The following PARD3B variants were observed in gnomAD, a reference collection of about 807,000 sequenced individuals.
PARD3B encodes the protein partitioning defective 3 homolog B.
Under a neutral mutation model 130.2 loss-of-function variants are expected in PARD3B, and 103 were observed. The observed-to-expected ratio is 0.79, with a 90% CI of 0.67 to 0.93. The LOEUF (loss-of-function observed/expected upper bound fraction) is 0.93. Among genes scored for constraint, PARD3B ranks in the 40% least tolerant of loss-of-function variants. The pLI, the probability that PARD3B is intolerant of heterozygous loss-of-function variation, is 0.00. For missense variants in PARD3B, 1,609 were observed against 1,499.2 expected, an observed-to-expected ratio of 1.07 and a Z score of -1.21; for synonymous variants, 583 against 553.2, an observed-to-expected ratio of 1.05 and a Z score of -0.76.
At chr2:205,278,437 A>G (rs2041040069) in intron 16 of PARD3B, among the ~76,000 whole-genome samples, 1 of 152,148 alleles carries the variant, frequency 6.6e-6, no homozygotes, top group African/African-American at 2.4e-5. Flanking sequence ...TAAGGCTAAG[A>G]AGACAGGTTA....
intron 2 of PARD3B, among the ~76,000 whole-genome samples, chr2:204,761,576 T>G (rs1216189356): frequency 6.8e-6 from 1 of 146,734 alleles, no homozygotes; most frequent in Non-Finnish European, 1.5e-5. Flanking sequence ...TAAGGGGAGC[T>G]TGCATTTCTA....
chr2:205,093,041 A>G (rs1230336434), intron 4 of PARD3B, among the ~76,000 whole-genome samples: 1 of 152,170 alleles, frequency 6.6e-6, no homozygotes, highest in East Asian at 1.9e-4. Context: ...TGCACTTTAA[A>G]TTCTCTTGCC....
In PARD3B at chr2:205,068,438, G is replaced by C. The variant is rs367598349; in HGVS notation, c.504+20748G>C. 1.7e-3 allele frequency among the ~76,000 whole-genome samples: 261 copies of C among 152,018 alleles called. 1 individual carries two copies. Among genetic ancestry groups the C allele is most frequent in the African/African-American group, 5.8e-3 (241 of 41,492 alleles). On this transcript the variant is annotated intron_variant, in intron 4 of 22. Coordinates refer to ENST00000406610, the MANE Select transcript of PARD3B (RefSeq NM_001302769.2). ...TAGTAGACATTTGTCTATACTATTA[G>C]TTTAAAAAATTGTTTTTAAGGAAAC... is the stretch of plus-strand genomic sequence containing the variant.
intron 20 of PARD3B, among the ~76,000 whole-genome samples, chr2:205,449,926 T>C (rs892554084): frequency 5.9e-5 from 9 of 152,180 alleles, no homozygotes; most frequent in African/African-American, 2.2e-4. Flanking sequence ...AATAGAGGTG[T>C]ATGTGGGATA....
chr2:205,547,492 T>G (rs2106477862), intron 21 of PARD3B, among the ~76,000 whole-genome samples: 1 of 152,238 alleles, frequency 6.6e-6, no homozygotes, highest in South Asian at 2.1e-4. Context: ...AAGAAAAAAC[T>G]TCTTGGATAA....
chr2:205,133,426 C>T (rs966931860), intron 10 of PARD3B, among the ~76,000 whole-genome samples: 1 of 152,198 alleles, frequency 6.6e-6, no homozygotes, highest in Non-Finnish European at 1.5e-5. Context: ...GCCAGGCTCC[C>T]TCCACACCTA....
chr2:205,428,727 AT>A (rs1339728802), intron 19 of PARD3B, among the ~76,000 whole-genome samples: 7 of 152,222 alleles, frequency 4.6e-5, no homozygotes, highest in African/African-American at 1.4e-4. Context: ...CAATATTAAA[AT>A]TTTAAAAGTA....
chr2:205,125,891 C>T lies in PARD3B; in HGVS notation c.1434+154C>T, dbSNP rs563289263. Among the ~76,000 whole-genome samples the T allele has an allele frequency of 7.2e-5, 11 of 152,280 alleles. No individual in the cohort carries two copies. Among genetic ancestry groups the T allele is most frequent in the South Asian group, 2.1e-4 (1 of 4,816 alleles). Reference sequence around the variant, plus strand: ...GGGTATTTTACCCCATTTGGGGTATCGCATTTTTAAAACATTGATACAGCC... The same window carrying T: ...GGGTATTTTACCCCATTTGGGGTATTGCATTTTTAAAACATTGATACAGCC... On this transcript the variant is annotated intron_variant, in intron 10 of 22. Transcript: ENST00000406610. This position sits in a 1 kb window ranked among gnomAD's most constrained non-coding sequence, Gnocchi z 4.0.
rs571661317 is a variant in PARD3B at position 204,800,350 on chromosome 2, AAAATC to A, written c.222+114072_222+114076del. Among the ~76,000 whole-genome samples the A allele has an allele frequency of 2.7e-3, 415 of 152,318 alleles. 1 individual carries two copies. The highest frequency in any genetic ancestry group is 9.8e-3 in the African/African-American group (407 of 41,568). Reference sequence around the variant, plus strand: ...TACAAAGTTGGAAGAGACAAAGAAAAAAATCAAAGCACACCTATAAGATCTAGAAA... The same window carrying A: ...TACAAAGTTGGAAGAGACAAAGAAAAAAAGCACACCTATAAGATCTAGAAA... On this transcript the variant is annotated intron_variant, in intron 2 of 22. Transcript: ENST00000406610.
rs544679189 is a variant in PARD3B, at chr2:205,446,337, G to A, written c.3044+5665G>A. On this transcript the variant is annotated intron_variant, in intron 20 of 22. Coordinates refer to ENST00000406610, the MANE Select transcript of PARD3B (RefSeq NM_001302769.2). This position sits in a 1 kb window ranked among gnomAD's most constrained non-coding sequence, Gnocchi z 4.4. ...AAGAACTCACTGAGGGTTTTAACGTGAGATATAATCCTGGAATTCAATAGG... is the reference window on the plus strand; with the variant it reads ...AAGAACTCACTGAGGGTTTTAACGTAAGATATAATCCTGGAATTCAATAGG... Among the ~76,000 whole-genome samples, 1 of 152,260 alleles carries A rather than the reference G, an allele frequency of 6.6e-6. No individual in the cohort carries two copies. Among genetic ancestry groups the A allele is most frequent in the South Asian group, 2.1e-4 (1 of 4,820 alleles).
chr2:204,879,835 G>A (rs1481141128), intron 2 of PARD3B, among the ~76,000 whole-genome samples: 2 of 152,188 alleles, frequency 1.3e-5, no homozygotes, highest in Non-Finnish European at 2.9e-5. Flanking sequence ...CTGAAATTAG[G>A]TTTGCAAAGC....
intron 3 of PARD3B, among the ~76,000 whole-genome samples, chr2:205,004,075 G>T (rs1275755006): frequency 6.6e-6 from 1 of 152,202 alleles, no homozygotes; most frequent in East Asian, 1.9e-4. Context: ...TTCATAATCA[G>T]TGTAATTCAG....
At chr2:204,743,185 G>T (rs1462432812) in intron 2 of PARD3B, among the ~76,000 whole-genome samples, 1 of 152,132 alleles carries the variant, frequency 6.6e-6, no homozygotes, top group Non-Finnish European at 1.5e-5. Flanking sequence ...AATGAATGAA[G>T]ATTGGCTTTG....
At chr2:204,921,829 A>G (rs554642552) in intron 2 of PARD3B, among the ~76,000 whole-genome samples, 10 of 152,284 alleles carry the variant, frequency 6.6e-5, no homozygotes, top group African/African-American at 2.4e-4. Flanking sequence ...GCAATAAGTC[A>G]GATAAGAGGT....
In PARD3B at chr2:205,581,297, T is replaced by G. The variant is rs1007715698; in HGVS notation, c.3260+27894T>G. 7.5e-5 allele frequency among the ~76,000 whole-genome samples: 8 copies of G among 106,192 alleles called. No homozygotes were observed. In the South Asian group the frequency reaches 1.9e-3, roughly 26 times the overall value. 69.7% of individuals were successfully genotyped at this position (106,192 alleles called of 152,430 possible). A position where few individuals can be genotyped will look rare whatever the true frequency, so the allele number is the denominator to read the frequency against. On this transcript the variant is annotated intron_variant, in intron 22 of 22. Transcript: ENST00000406610. ...ATAGATATAGATATATAGATAGATA[T>G]AGATAGATAGATAGATCCTGTCATT...
At chr2:205,451,265 G>A (rs2048093574) in intron 20 of PARD3B, among the ~76,000 whole-genome samples, 1 of 152,196 alleles carries the variant, frequency 6.6e-6, no homozygotes, top group South Asian at 2.1e-4. Flanking sequence ...AATGGAATGT[G>A]CTAGTCAAGT....
At position 205,451,954 on chromosome 2, in the gene PARD3B, C is replaced by T. The variant is rs548436155; in HGVS notation, c.3044+11282C>T. Reference sequence around the variant, plus strand: ...ATTTCTTTGTACCCATTAACCATCCCCACCTCCCTTCCACCGCTCTGTCTA... The same window carrying T: ...ATTTCTTTGTACCCATTAACCATCCTCACCTCCCTTCCACCGCTCTGTCTA... On this transcript the variant is annotated intron_variant, in intron 20 of 22. Transcript: ENST00000406610. Among the ~76,000 whole-genome samples the T allele has an allele frequency of 2.0e-5, 3 of 152,240 alleles. No individual in the cohort carries two copies. In the South Asian group the frequency reaches 6.2e-4, roughly 32 times the overall value.
rs186722361 is a variant in PARD3B, at chr2:205,573,475, T to A, written c.3260+20072T>A. Reference sequence around the variant, plus strand: ...GAGCATGGTTCCAATGGATGGCACATAGAGAACTCAAAGTCATCCATGGCA... The same window carrying A: ...GAGCATGGTTCCAATGGATGGCACAAAGAGAACTCAAAGTCATCCATGGCA... On this transcript the variant is annotated intron_variant, in intron 22 of 22. Transcript: ENST00000406610. Among the ~76,000 whole-genome samples, 65 of 152,252 alleles carry A rather than the reference T, an allele frequency of 4.3e-4. 1 individual carries two copies. Among genetic ancestry groups the A allele is most frequent in the South Asian group, 1.0e-3 (5 of 4,822 alleles).
chr2:204,752,368 C>G (rs984254661), intron 2 of PARD3B, among the ~76,000 whole-genome samples: 4 of 152,046 alleles, frequency 2.6e-5, no homozygotes, highest in African/African-American at 4.8e-5. Context: ...CATAAGTAAG[C>G]CCTCTGAAGT....
Sources: allele counts gnomAD v4.1 joint callset (sites outside exome capture counted in the v4.1 genomes callset), GRCh38; gene constraint gnomAD v4.1.1; non-coding constraint Gnocchi (gnomAD v3.1); transcripts MANE v1.5; gene names NCBI Gene and HGNC (gene_info 2026-07-23, HGNC 2026-07-21).